Variants in ADCK1 observed in about 807,000 individuals in gnomAD.
ADCK1 encodes the protein aarF domain-containing protein kinase 1.
A neutral mutation model predicts 52.3 loss-of-function variants in ADCK1; 41 were observed. The ratio of observed to expected loss-of-function variants is 0.78; its 90% CI spans 0.61 to 1.02. The LOEUF is 1.02. Among genes scored for constraint, ADCK1 ranks in the 50% least tolerant of loss-of-function variants. The probability of loss-of-function intolerance (pLI) is 0.00; values close to 1 mark genes in which losing one functional copy is unlikely to be tolerated. For missense variants in ADCK1, 658 were observed against 679.5 expected, an observed-to-expected ratio of 0.97 and a Z score of 0.35; for synonymous variants, 250 against 274.6, an observed-to-expected ratio of 0.91 and a Z score of 0.89.
intron 4 of ADCK1, among the ~76,000 whole-genome samples, chr14:77,867,225 C>T (rs2082680345): frequency 6.6e-6 from 1 of 152,218 alleles, no homozygotes; most frequent in Non-Finnish European, 1.5e-5. Context: ...CTTGCTTCTC[C>T]TGGTCCTGAG....
intron 3 of ADCK1, among the ~76,000 whole-genome samples, chr14:77,851,265 G>A (rs768750296): frequency 8.0e-5 from 12 of 150,838 alleles, no homozygotes; most frequent in South Asian, 2.1e-4. Flanking sequence ...CTACAGGTGC[G>A]TGCCACCACG....
rs1250184497 is a variant in ADCK1 at position 77,852,881 on chromosome 14, G to GTA, written c.220-6194_220-6193insAT. 8.4e-4 allele frequency among the ~76,000 whole-genome samples: 25 copies of GTA among 29,602 alleles called. 1 individual carries two copies. The highest frequency in any genetic ancestry group is 1.8e-3 in the African/African-American group (11 of 6,276). The allele number at this position is 29,602 out of a possible 152,430, so 19.4% of individuals were successfully genotyped here. A position where few individuals can be genotyped will look rare whatever the true frequency, so the allele number is the denominator to read the frequency against. On this transcript the variant is annotated intron_variant, in intron 3 of 10. Transcript: ENST00000238561. ...TTTCAAGTTCACTAATCTTTTATGT[G>GTA]TGTATATATATATATATATATATAT...
rs35559156 is a variant in ADCK1 at position 77,893,737 on chromosome 14, C to CTTCCTTTCT, written c.583-5361_583-5360insCCTTTCTTT. On this transcript the variant is annotated intron_variant, in intron 5 of 10. Transcript: ENST00000238561. ...TCTTGTTTCTTCCCTTCCTTCCTTC[C>CTTCCTTTCT]TTTTTTTTTTTTTTTTGACAGAGTC... 5.8e-4 allele frequency among the ~76,000 whole-genome samples: 29 copies of CTTCCTTTCT among 50,380 alleles called. No individual in the cohort carries two copies. In the East Asian group the frequency reaches 0.011, roughly 20 times the overall value. The allele number at this position is 50,380 out of a possible 152,430, so 33.1% of individuals were successfully genotyped here. A position where few individuals can be genotyped will look rare whatever the true frequency, so the allele number is the denominator to read the frequency against.
chr14:77,915,183 CTTT>C (rs34034949), intron 7 of ADCK1, among the ~76,000 whole-genome samples: 11 of 145,812 alleles, frequency 7.5e-5, no homozygotes, highest in South Asian at 2.2e-4. Flanking sequence ...TGGACCAAAT[CTTT>C]TTTTTTTTTT....
chr14:77,913,847 G>A (rs534013591), intron 7 of ADCK1, among the ~76,000 whole-genome samples: 2 of 152,276 alleles, frequency 1.3e-5, no homozygotes, highest in African/African-American at 4.8e-5. Flanking sequence ...TCCCAGAGAC[G>A]TGGGATCCAG....
At chr14:77,876,574 A>G (rs1389179061) in intron 4 of ADCK1, among the ~76,000 whole-genome samples, 2 of 152,184 alleles carry the variant, frequency 1.3e-5, no homozygotes, top group Non-Finnish European at 2.9e-5. Context: ...AGGCCATACC[A>G]TCTCTCTGTC....
chr14:77,873,513 G>T (rs79005586), intron 4 of ADCK1, among the ~76,000 whole-genome samples: 189 of 152,338 alleles, frequency 1.2e-3, no homozygotes, highest in Non-Finnish European at 2.3e-3. Flanking sequence ...GACCCCAGGT[G>T]GAGAACTGGA....
At chr14:77,873,488 C>T (rs1441318135) in intron 4 of ADCK1, among the ~76,000 whole-genome samples, 3 of 152,158 alleles carry the variant, frequency 2.0e-5, no homozygotes, top group Non-Finnish European at 4.4e-5. Flanking sequence ...TGCATGTAAC[C>T]GGGCAGTGTA....
In ADCK1 at chr14:77,859,296, G is replaced by C. The variant is rs200591022; in HGVS notation, c.423+17G>C. 37 of 1,609,888 alleles carry C rather than the reference G, an allele frequency of 2.3e-5. No homozygotes were observed. The Admixed American group carries it at 4.5e-4, about 20-fold the overall frequency. On this transcript the variant is annotated intron_variant, in intron 4 of 10. Transcript: ENST00000238561. ...GGCAAGGAGGTACCCACCTTTGCAG[G>C]GGGGATGGGCCTTGGTTGGGATGCT... is the stretch of plus-strand genomic sequence containing the variant.
At chr14:77,899,465 C>T (rs973704187) in intron 6 of ADCK1, among the ~76,000 whole-genome samples, 1 of 152,108 alleles carries the variant, frequency 6.6e-6, no homozygotes, top group African/African-American at 2.4e-5. Flanking sequence ...GATTGTTGAC[C>T]CATTAGTCAA....
chr14:77,901,362 CTT>C (rs371780013), intron 6 of ADCK1, among the ~76,000 whole-genome samples: 9 of 131,756 alleles, frequency 6.8e-5, no homozygotes, highest in South Asian at 2.5e-4. Context: ...GGAGCTGGTC[CTT>C]TTTTTTTTTT....
chr14:77,914,373 G>A, intron 7 of ADCK1: 1 of 984,516 alleles, frequency 1.0e-6, no homozygotes, highest in Middle Eastern at 5.2e-4. Context: ...CACCTGCCAT[G>A]CTTAGCCAGA....
chr14:77,932,519 C>A (rs2084365357), intron 10 of ADCK1, among the ~76,000 whole-genome samples: 1 of 152,200 alleles, frequency 6.6e-6, no homozygotes. Context: ...AGAGAGAAAG[C>A]CTAGGTAATG....
At chr14:77,916,000 C>T (rs1016819696) in intron 7 of ADCK1, among the ~76,000 whole-genome samples, 2 of 152,280 alleles carry the variant, frequency 1.3e-5, no homozygotes, top group African/African-American at 2.4e-5. Flanking sequence ...CTGAATTCCA[C>T]CCCTTGGAAT....
chr14:77,912,452 G>GTT lies in ADCK1; in HGVS notation c.858+4534_858+4535insTT, dbSNP rs1357874868. ...GAGGAGCGTGTGTGTGTGTGTGTGT[G>GTT]TGTGTGTGTGTGTGTGTGTGTGTGT... On this transcript the variant is annotated intron_variant, in intron 7 of 10. Coordinates refer to ENST00000238561, the MANE Select transcript of ADCK1 (RefSeq NM_020421.4). Among the ~76,000 whole-genome samples, 74 of 146,258 alleles carry GTT rather than the reference G, an allele frequency of 5.1e-4. 1 individual carries two copies. The East Asian group carries it at 0.014, about 28-fold the overall frequency.
intron 5 of ADCK1, among the ~76,000 whole-genome samples, chr14:77,891,773 G>A (rs1053797198): frequency 6.6e-6 from 1 of 152,134 alleles, no homozygotes; most frequent in Non-Finnish European, 1.5e-5. Flanking sequence ...AGCAGCACTG[G>A]GTAACACTGC....
chr14:77,802,074 C>T (rs1326471817), intron 1 of ADCK1, among the ~76,000 whole-genome samples: 1 of 151,650 alleles, frequency 6.6e-6, no homozygotes, highest in Non-Finnish European at 1.5e-5. Flanking sequence ...GCTGCTTGTT[C>T]TTGTGCACTT....
At chr14:77,914,303 A>G in intron 7 of ADCK1, 1 of 608,248 alleles carries the variant, frequency 1.6e-6, no homozygotes, top group Non-Finnish European at 2.1e-6. Flanking sequence ...TGCCTTCTTT[A>G]CTACTTTTAG....
intron 4 of ADCK1, among the ~76,000 whole-genome samples, chr14:77,862,451 C>A (rs911488806): frequency 6.6e-6 from 1 of 152,120 alleles, no homozygotes; most frequent in African/African-American, 2.4e-5. Flanking sequence ...GTGGGGGGAT[C>A]CCTGACCAGG....
Sources: gnomAD v4.1 joint callset for allele counts (sites outside exome capture counted in the v4.1 genomes callset) on GRCh38, gnomAD v4.1.1 for gene constraint, MANE v1.5 for transcripts, NCBI Gene and HGNC (gene_info 2026-07-23, HGNC 2026-07-21) for gene names.